Variants in USP36 observed in about 807,000 individuals in gnomAD.
USP36 encodes the protein ubiquitin carboxyl-terminal hydrolase 36.
A neutral mutation model predicts 111.5 loss-of-function variants in USP36; 59 were observed. That is an observed-to-expected ratio of 0.53 (90% CI 0.43 to 0.66). USP36 has a LOEUF of 0.66. Ranked by LOEUF, USP36 falls within the 30% of genes least tolerant of loss-of-function variation. The pLI is 0.00. For missense variants in USP36, 1,488 were observed against 1,468.0 expected (o/e 1.01, Z -0.22); for synonymous variants, 628 against 581.0 (o/e 1.08, Z -1.16).
At chr17:78,821,404 ATATATATATATATATATTTTTTTTT>A (rs869171046) in intron 7 of USP36, 3,735 of 62,058 alleles carry the variant, frequency 0.06, 162 homozygotes, top group South Asian at 0.25. Context: ...ATATATATAT[ATATATATATATATATATTTTTTTTT>A]TTTTTTTTTT....
At chr17:78,827,497 T>C in intron 5 of USP36, 150 bp from the exon 6 acceptor site, 1 of 713,068 alleles carries the variant, frequency 1.4e-6, no homozygotes, top group Non-Finnish European at 2.3e-6. Context: ...GAGCTCTACA[T>C]GGATTTTCTA....
In USP36 at chr17:78,803,785, G is replaced by C. The variant is rs772158740; in HGVS notation, c.2410C>G (p.Pro804Ala). The C allele has an allele frequency of 8.1e-6, 13 of 1,612,804 alleles. No homozygotes were observed. The highest frequency in any genetic ancestry group is 1.1e-5 in the Non-Finnish European group (13 of 1,179,992). The change falls in exon 16 of 21, where the codon CCC becomes GCC. Residue 804 changes from proline (P) to alanine (A), a missense_variant. By Grantham distance (27) the Pro-to-Ala change is conservative. Around this residue, in one of 3 missense-constraint regions of USP36, gnomAD observed 1,073 missense variants for 994.1 expected, o/e 1.08. Transcript: ENST00000449938. This position sits in a 1 kb window ranked among gnomAD's most constrained non-coding sequence, Gnocchi z 4.6. ...CTCTTCTCAGAGGGGCTCTGGGGGG[G>C]CTCACTGGCCTCTGGCAACTGGTGT... is the stretch of plus-strand genomic sequence containing the variant. ...LPHQLPEASEPPQSPSEKRKK... is the reference protein window; with the variant it reads ...LPHQLPEASEAPQSPSEKRKK...
intron 6 of USP36, chr17:78,823,208 C>A (rs962640037): frequency 4.8e-5 from 19 of 398,516 alleles, no homozygotes; most frequent in Non-Finnish European, 8.0e-5. Flanking sequence ...AATGAAAAAT[C>A]AACTGCCACC....
chr17:78,813,105 G>A (rs1391801677), intron 12 of USP36, 104 bp from the exon 13 acceptor site: 1 of 1,450,972 alleles, frequency 6.9e-7, no homozygotes, highest in Middle Eastern at 2.0e-4. Flanking sequence ...ACACGGCCTG[G>A]GGAAACCCTG....
chr17:78,810,827 C>A (rs2094030943), intron 13 of USP36, among the ~76,000 whole-genome samples: 1 of 152,090 alleles, frequency 6.6e-6, no homozygotes, highest in Non-Finnish European at 1.5e-5. Flanking sequence ...CAAAAACAGT[C>A]ATCCAGGCCG....
intron 7 of USP36, chr17:78,821,336 G>A (rs1366409211): frequency 6.9e-6 from 2 of 288,248 alleles, no homozygotes; most frequent in Non-Finnish European, 1.3e-5. Flanking sequence ...AGGGAGAGCA[G>A]AGGGAAGAGC....
rs75855154 is a variant in USP36, at chr17:78,809,556, G to A, written c.1408-1920C>T. Among the ~76,000 whole-genome samples, 1,482 of 152,232 alleles carry A rather than the reference G, an allele frequency of 9.7e-3. 24 individuals are homozygous for A. The highest frequency in any genetic ancestry group is 0.033 in the African/African-American group (1,378 of 41,534). ...CCCCTGCAGGTGTGCCTGACACAGG[G>A]ACTCTCCTTGAGCCAATCTCCACCC... On this transcript the variant is annotated intron_variant, in intron 13 of 20. Coordinates refer to ENST00000449938, the MANE Select transcript of USP36 (RefSeq NM_001385174.1).
intron 6 of USP36, among the ~76,000 whole-genome samples, chr17:78,825,564 C>T (rs1000195308): frequency 2.0e-5 from 3 of 152,126 alleles, no homozygotes; most frequent in African/African-American, 4.8e-5. Flanking sequence ...ACGAATGGCT[C>T]ACCACCACCC....
chr17:78,840,960 G>T (rs1006895642), upstream of USP36: 1 of 152,296 alleles, frequency 6.6e-6, no homozygotes, highest in Non-Finnish European at 1.5e-5. Context: ...GCCCACCGCC[G>T]CTTCCGTGTC....
chr17:78,819,167 G>A, intron 9 of USP36: 1 of 184,276 alleles, frequency 5.4e-6, no homozygotes, highest in Non-Finnish European at 1.1e-5. Context: ...GCAAACACAG[G>A]GAGAGAAAAC....
chr17:78,798,384 C>T lies in USP36; in HGVS notation c.*20+16G>A. 1 of 1,612,986 alleles carries T rather than the reference C, an allele frequency of 6.2e-7. No homozygotes were observed. The highest frequency in any genetic ancestry group is 8.5e-7 in the Non-Finnish European group (1 of 1,179,828). ...CACCCCCACCTCACCCTTACACCCA[C>T]CCCCTCGGAACCGACCTCCTTCCAC... On this transcript the variant is annotated intron_variant, in intron 20 of 20. Coordinates refer to ENST00000449938, the MANE Select transcript of USP36 (RefSeq NM_001385174.1). This position sits in a 1 kb window ranked among gnomAD's most constrained non-coding sequence, Gnocchi z 5.1.
At position 78,835,495 on chromosome 17, in the gene USP36, T is replaced by G. The variant is rs992529580; in HGVS notation, c.260A>C (p.Glu87Ala). Reference protein sequence around the residue: ...DDPPARRQGSEHTYESCGDGV... With the variant: ...DDPPARRQGSAHTYESCGDGV... Reference sequence around the variant, plus strand: ...GTCACCACAGCTCTCATACGTGTGCTCACTGCCTGAGGAAGAAAGGGACAA... The same window carrying G: ...GTCACCACAGCTCTCATACGTGTGCGCACTGCCTGAGGAAGAAAGGGACAA... The change falls in exon 4 of 21, where the codon GAG becomes GCG. Residue 87 changes from glutamate (E) to alanine (A), a missense_variant. Around this residue, in one of 3 missense-constraint regions of USP36, gnomAD observed 219 missense variants for 209.5 expected, o/e 1.05. Coordinates refer to ENST00000449938, the MANE Select transcript of USP36 (RefSeq NM_001385174.1). 8 of 1,599,546 alleles carry G rather than the reference T, an allele frequency of 5.0e-6. No individual in the cohort carries two copies. The highest frequency in any genetic ancestry group is 1.3e-5 in the African/African-American group (1 of 74,628).
chr17:78,814,309 T>C, intron 11 of USP36, 103 bp downstream of exon 11: 1 of 1,474,236 alleles, frequency 6.8e-7, no homozygotes, highest in Non-Finnish European at 9.1e-7. Flanking sequence ...CCACAAAACA[T>C]CACACTTTTC....
chr17:78,804,663 C>T (rs1285151205), intron 15 of USP36, among the ~76,000 whole-genome samples: 1 of 88,044 alleles, frequency 1.1e-5, no homozygotes, highest in Non-Finnish European at 2.4e-5. Context: ...AGCAAGCCAA[C>T]ACGTGATTTT....
intron 13 of USP36, among the ~76,000 whole-genome samples, chr17:78,809,934 C>T (rs2094007601): frequency 6.6e-6 from 1 of 151,964 alleles, no homozygotes; most frequent in Non-Finnish European, 1.5e-5. Flanking sequence ...GCAACCTCCA[C>T]CTCCCGGGTT....
chr17:78,793,182 G>A (rs2093597847), downstream of USP36, among the ~76,000 whole-genome samples: 1 of 152,146 alleles, frequency 6.6e-6, no homozygotes, highest in African/African-American at 2.4e-5. Context: ...GAGAGGAGCT[G>A]GTTTTAGCTT....
intron 4 of USP36, among the ~76,000 whole-genome samples, chr17:78,833,480 C>T (rs1176885362): frequency 2.0e-5 from 3 of 152,018 alleles, no homozygotes; most frequent in Non-Finnish European, 4.4e-5. Flanking sequence ...TCCCTCTTTG[C>T]GGGCTGCTAC....
chr17:78,788,643 G>A (rs1019446986), intron 3 of USP36, among the ~76,000 whole-genome samples: 3 of 152,050 alleles, frequency 2.0e-5, no homozygotes, highest in Admixed American at 6.6e-5. Context: ...CAGCCCACCC[G>A]CATCTGCTAG....
intron 10 of USP36, among the ~76,000 whole-genome samples, chr17:78,816,645 C>T (rs968486930): frequency 1.3e-5 from 2 of 151,358 alleles, no homozygotes; most frequent in South Asian, 2.1e-4. Flanking sequence ...AACAAAAAAA[C>T]CAAAATTTTT....
Sources: gnomAD v4.1 joint callset for allele counts (sites outside exome capture counted in the v4.1 genomes callset) on GRCh38, gnomAD v4.1.1 for gene constraint, gnomAD v4.1.1 regional missense constraint, Gnocchi (gnomAD v3.1) non-coding constraint, MANE v1.5 for transcripts, NCBI Gene and HGNC (gene_info 2026-07-23, HGNC 2026-07-21) for gene names.